The following TTN variants were observed in gnomAD, a reference collection of about 807,000 sequenced individuals.
The protein encoded by TTN is connectin.
TTN carries 1,525 observed loss-of-function variants against 3,223.0 expected under a neutral mutation model. The ratio of observed to expected loss-of-function variants is 0.47; its 90% CI spans 0.45 to 0.49. The LOEUF (loss-of-function observed/expected upper bound fraction) is 0.49, where lower values mean the gene tolerates loss of function less well. Ranked by LOEUF, TTN falls within the 20% of genes least tolerant of loss-of-function variation. The pLI is 0.00. For synonymous variants in TTN, 14,094 were observed against 15,161.0 expected (o/e 0.93, Z 5.17); for missense variants, 40,786 against 43,424.0 (o/e 0.94, Z 5.40).
In TTN at chr2:178,554,372, AAATT is replaced by A. The variant is rs1430998782; in HGVS notation, c.88894+77_88894+80del. The A allele has an allele frequency of 9.4e-6, 14 of 1,489,606 alleles. No homozygotes were observed. In the African/African-American group the frequency reaches 1.8e-4, roughly 20 times the overall value. The allele number at this position is 1,489,606 out of a possible 1,614,324, so 92.3% of individuals were successfully genotyped here. On this transcript the variant is annotated intron_variant, in intron 332 of 362. Coordinates refer to ENST00000589042, the MANE Select transcript of TTN (RefSeq NM_001267550.2). ...AATGAGACAGGTGTTATATAAAAGA[AAATT>A]AAAGCATATGCACAGGTTAGCGTAG...
chr2:178,664,916 A>G lies in TTN; in HGVS notation c.36054T>C (p.Ala12018=). The change falls in exon 166 of 363, where the codon GCT becomes GCC. Residue 12018 remains alanine (A), a synonymous_variant. Transcript: ENST00000589042. ...PETPRMKTPE[A]PQEIIPAKTV... is the part of the protein sequence containing the mutation. Reference sequence around the variant, plus strand: ...TCTTGGCAGGAATAATTTCTTGAGGAGCTTCGGGCGCTTGAAAGATATTAG... The same window carrying G: ...TCTTGGCAGGAATAATTTCTTGAGGGGCTTCGGGCGCTTGAAAGATATTAG... 1 of 1,608,148 alleles carries G rather than the reference A, an allele frequency of 6.2e-7. No individual in the cohort carries two copies. The highest frequency in any genetic ancestry group is 8.5e-7 in the Non-Finnish European group (1 of 1,178,034).
At position 178,537,905 on chromosome 2, in the gene TTN, G is replaced by A; in HGVS notation, c.99302C>T (p.Pro33101Leu). ...ATCCTTCATTTCTTTGCGTATTCCTGGGGCCTCTCCAGCTGAACAATATGA... is the reference window on the plus strand; with the variant it reads ...ATCCTTCATTTCTTTGCGTATTCCTAGGGCCTCTCCAGCTGAACAATATGA... Reference protein sequence around the residue: ...IKTKLTSGEAPGIRKEMKDVT... With the variant: ...IKTKLTSGEALGIRKEMKDVT... Residue 33101 changes from proline to leucine, a missense_variant, in exon 355 of 363, where the codon CCA (proline) becomes CTA (leucine). Pro to Leu is a moderately conservative substitution (Grantham distance 98, BLOSUM62 -3). Transcript: ENST00000589042. The A allele has an allele frequency of 6.2e-7, 1 of 1,609,116 alleles. No individual in the cohort carries two copies. Among genetic ancestry groups the A allele is most frequent in the South Asian group, 1.1e-5 (1 of 90,612 alleles).
chr2:178,698,903 C>G lies in TTN; in HGVS notation c.30694G>C (p.Ala10232Pro), dbSNP rs747294929. 6.6e-7 allele frequency: 1 copy of G among 1,504,902 alleles called. No individual in the cohort carries two copies. The highest frequency in any genetic ancestry group is 8.8e-7 in the Non-Finnish European group (1 of 1,134,492). 93.2% of individuals were successfully genotyped at this position (1,504,902 alleles called of 1,614,324 possible). Reference sequence around the variant, plus strand: ...ACTTTTTTGGCATCTTTCTTCACAGCCTTTTTGGTAACTAAAAAAAAAAAA... The same window carrying G: ...ACTTTTTTGGCATCTTTCTTCACAGGCTTTTTGGTAACTAAAAAAAAAAAA... Reference protein sequence around the residue: ...PPKRIEVTKKAVKKDAKKVVA... With the variant: ...PPKRIEVTKKPVKKDAKKVVA... The change falls in exon 112 of 363, where the codon GCT becomes CCT. Residue 10232 changes from alanine (A) to proline (P), a missense_variant. Transcript: ENST00000589042.
intron 37 of TTN, 74 bp downstream of exon 37, chr2:178,769,605 A>C: frequency 7.7e-7 from 1 of 1,292,516 alleles, no homozygotes; most frequent in South Asian, 1.8e-5. Flanking sequence ...TAGGATATAG[A>C]ATATCAATGA....
chr2:178,577,748 T>C lies in TTN; in HGVS notation c.68678A>G (p.His22893Arg), dbSNP rs1039583705. ...AAAGGCACATTCTGGGACATTAACA[T>C]GGTTGGCTTTCATCCAAGACTTCGA... ...LPSKSWMKAN[H>R]VNVPECAFTV... The change falls in exon 323 of 363, where the codon CAT (histidine) becomes CGT (arginine). Residue 22893 changes from histidine to arginine, a missense_variant. Physicochemically the swap from His to Arg is conservative, Grantham distance 29 (BLOSUM62 0). Transcript: ENST00000589042. 3.1e-6 allele frequency: 5 copies of C among 1,613,304 alleles called. No homozygotes were observed. Among genetic ancestry groups the C allele is most frequent in the African/African-American group, 1.3e-5 (1 of 74,916 alleles).
rs770551201 is a variant in TTN, at chr2:178,715,031, T to C, written c.26155A>G (p.Asn8719Asp). ...DIGEYQCKAT[N>D]DVGSDTCVGS... ...ACGCAAGTGTCGCTTCCCACATCAT[T>C]TGTGGCTTTACACTGATATTCCCCA... The change falls in exon 90 of 363, where the codon AAT becomes GAT. Residue 8719 changes from asparagine to aspartate, a missense_variant. Coordinates refer to ENST00000589042, the MANE Select transcript of TTN (RefSeq NM_001267550.2). The C allele has an allele frequency of 1.9e-6, 3 of 1,613,268 alleles. No individual in the cohort carries two copies. The highest frequency in any genetic ancestry group is 2.5e-6 in the Non-Finnish European group (3 of 1,179,432).
chr2:178,675,135 T>C (rs775476205), intron 149 of TTN, 22 bp from the exon 150 acceptor site: 2 of 1,503,014 alleles, frequency 1.3e-6, no homozygotes, highest in Non-Finnish European at 1.8e-6. Context: ...TTGATTATTT[T>C]AGACACTTAA....
rs564820606 is a variant in TTN at position 178,629,349 on chromosome 2, G to A, written c.44376C>T (p.Ile14792=). ...TCCCTTTGAGATACCATTCCACTGGGATATCTTCGTAGGAGAGCTCGCAGT... is the reference window on the plus strand; with the variant it reads ...TCCCTTTGAGATACCATTCCACTGGAATATCTTCGTAGGAGAGCTCGCAGT... The part of the protein sequence containing the change: ...TFDCELSYED[I]PVEWYLKGKK... Residue 14792 remains isoleucine, a synonymous_variant, in exon 240 of 363, where the codon ATC becomes ATT. Coordinates refer to ENST00000589042, the MANE Select transcript of TTN (RefSeq NM_001267550.2). 4.3e-6 allele frequency: 7 copies of A among 1,612,832 alleles called. No homozygotes were observed. In the African/African-American group the frequency reaches 9.3e-5, roughly 22 times the overall value.
Position 178,579,616 on chromosome 2 carries a change from A to G in TTN, c.67581T>C (p.Asn22527=). ...KEYTFRVSAE[N]ENGEGTPSEI... is the part of the protein sequence containing the mutation. ...CGCTTGGGGTTCCTTCTCCATTTTC[A>G]TTCTCAGCACTCACTCTGAAGGTAT... The change falls in exon 319 of 363, where the codon AAT becomes AAC. Residue 22527 remains asparagine, a synonymous_variant. Transcript: ENST00000589042. The G allele has an allele frequency of 6.2e-7, 1 of 1,613,342 alleles. No individual in the cohort carries two copies. The highest frequency in any genetic ancestry group is 8.5e-7 in the Non-Finnish European group (1 of 1,179,498).
In TTN at chr2:178,798,378, A is replaced by G. The variant is rs867392198; in HGVS notation, c.914+1109T>C. The G allele has an allele frequency of 2.6e-5, 4 of 152,266 alleles. No individual in the cohort carries two copies. In the South Asian group the frequency reaches 6.2e-4, roughly 24 times the overall value. 9.4% of individuals were successfully genotyped at this position (152,266 alleles called of 1,614,324 possible). On this transcript the variant is annotated intron_variant, in intron 6 of 362. Coordinates refer to ENST00000589042, the MANE Select transcript of TTN (RefSeq NM_001267550.2). ...TTCAAAACTGTTGTGGACAATTTAC[A>G]CTTGATTATATAATTTCTGAGCCCT...
In TTN at chr2:178,553,264, T is replaced by G; in HGVS notation, c.89636A>C (p.Asn29879Thr). 6.2e-7 allele frequency: 1 copy of G among 1,612,266 alleles called. No individual in the cohort carries two copies. The highest frequency in any genetic ancestry group is 8.5e-7 in the Non-Finnish European group (1 of 1,179,812). ...PTVTWRKDEKNLGSDARYSIE... is the reference protein window; with the variant it reads ...PTVTWRKDEKTLGSDARYSIE... ...GCTGTATCTGGCATCACTGCCAAGA[T>G]TCTTCTCATCTTTTCTCCATGTGAC... Residue 29879 changes from asparagine (N) to threonine (T), a missense_variant, in exon 335 of 363, where the codon AAT becomes ACT. Transcript: ENST00000589042.
chr2:178,637,179 A>G (rs1364498925), intron 224 of TTN, among the ~76,000 whole-genome samples, 190 bp downstream of exon 224: 1 of 128,094 alleles, frequency 7.8e-6, no homozygotes, highest in Non-Finnish European at 1.6e-5. Context: ...ATATATATAT[A>G]TATATATATA....
intron 270 of TTN, 93 bp from the exon 271 acceptor site, chr2:178,610,482 G>T: frequency 7.2e-7 from 1 of 1,379,508 alleles, no homozygotes; most frequent in Non-Finnish European, 1.0e-6. Context: ...TGTATTTTGG[G>T]TAGGATAATC....
rs1244905909 is a variant in TTN at position 178,777,494 on chromosome 2, T to C, written c.4571A>G (p.Asp1524Gly). ...SLIIVPATPS[D>G]SGEWTVVAQN... ...GGCAACCACAGTCCATTCCCCAGAA[T>C]CACTGGGTGTGGCAGGGACAATAAT... The change falls in exon 26 of 363, where the codon GAT becomes GGT. Residue 1524 changes from aspartate (D) to glycine (G), a missense_variant. By Grantham distance (94) the Asp-to-Gly change is moderately conservative. Coordinates refer to ENST00000589042, the MANE Select transcript of TTN (RefSeq NM_001267550.2). 6 of 1,614,000 alleles carry C rather than the reference T, an allele frequency of 3.7e-6. No homozygotes were observed. The East Asian group carries it at 1.3e-4, about 36-fold the overall frequency.
intron 43 of TTN, among the ~76,000 whole-genome samples, chr2:178,763,307 C>T (rs766144922): frequency 6.6e-5 from 10 of 152,176 alleles, no homozygotes; most frequent in Non-Finnish European, 1.5e-4. Context: ...ATGGTAGCAG[C>T]TAACTCTGAT....
chr2:178,734,344 T>C lies in TTN; in HGVS notation c.15480A>G (p.Ala5160=). The C allele has an allele frequency of 6.3e-7, 1 of 1,598,234 alleles. No homozygotes were observed. The highest frequency in any genetic ancestry group is 8.5e-7 in the Non-Finnish European group (1 of 1,170,556). The stretch of plus-strand genomic sequence containing the variant: ...AGCACTAACCTTTGAGTAAGTGGGT[T>C]GCCATGCAGCCACACTTGCCGACTT... ...ANEVGKCGCM[A]THLLKEPPTF... is the part of the protein sequence containing the mutation. Residue 5160 remains alanine (A), a synonymous_variant, in exon 52 of 363, where the codon GCA becomes GCG. Transcript: ENST00000589042.
rs764508505 is a variant in TTN at position 178,732,935 on chromosome 2, A to G, written c.16241T>C (p.Leu5414Ser). The change falls in exon 55 of 363, where the codon TTG becomes TCG. Residue 5414 changes from leucine (L) to serine (S), a missense_variant. Transcript: ENST00000589042. ...RIAFVEGTASLEIIRVDMNDA... is the reference protein window; with the variant it reads ...RIAFVEGTASSEIIRVDMNDA... ...ATTCATGTCTACTCTGATGATCTCC[A>G]AAGAGGCTGTGCCTTCCACAAATGC... is the stretch of plus-strand genomic sequence containing the variant. 2 of 1,613,538 alleles carry G rather than the reference A, an allele frequency of 1.2e-6. No homozygotes were observed. Among genetic ancestry groups the G allele is most frequent in the East Asian group, 4.5e-5 (2 of 44,748 alleles).
At position 178,624,681 on chromosome 2, in the gene TTN, C is replaced by T. The variant is rs144848584; in HGVS notation, c.44599G>A (p.Gly14867Arg). 1.3e-4 allele frequency: 208 copies of T among 1,612,414 alleles called. No homozygotes were observed. The East Asian group carries it at 4.6e-3, about 35-fold the overall frequency. ...KPLEDQTVEE[G>R]ATAVLECEVS... is the part of the protein sequence containing the mutation. ...TCACACTCCAGCACTGCAGTGGCTC[C>T]CTCTTCGACCGTCTGGTCCTCAAGA... is the stretch of plus-strand genomic sequence containing the variant. The change falls in exon 242 of 363, where the codon GGA (glycine) becomes AGA (arginine). Residue 14867 changes from glycine (G) to arginine (R), a missense_variant. Physicochemically the swap from Gly to Arg is moderately radical, Grantham distance 125. Coordinates refer to ENST00000589042, the MANE Select transcript of TTN (RefSeq NM_001267550.2).
intron 41 of TTN, among the ~76,000 whole-genome samples, 179 bp downstream of exon 41, chr2:178,766,202 T>C (rs2154340665): frequency 6.6e-6 from 1 of 152,248 alleles, no homozygotes; most frequent in Non-Finnish European, 1.5e-5. Context: ...TCTCAATAGG[T>C]CTTTTAACAG....
Sources: gnomAD v4.1 joint callset for allele counts (sites outside exome capture counted in the v4.1 genomes callset) on GRCh38, gnomAD v4.1.1 for gene constraint, MANE v1.5 for transcripts, NCBI Gene and HGNC (gene_info 2026-07-23, HGNC 2026-07-21) for gene names.